Variants in CSMD1 observed in about 807,000 individuals in gnomAD.
The protein encoded by CSMD1 is CUB and sushi domain-containing protein 1.
In CSMD1, 213 loss-of-function variants were observed where a neutral mutation model predicts 417.5. The ratio of observed to expected loss-of-function variants is 0.51; its 90% CI spans 0.46 to 0.57. The LOEUF (loss-of-function observed/expected upper bound fraction) is 0.57, where lower values mean the gene tolerates loss of function less well. Among genes scored for constraint, CSMD1 ranks in the 20% least tolerant of loss-of-function variants. The probability of loss-of-function intolerance (pLI) is 0.00; values close to 1 mark genes in which losing one functional copy is unlikely to be tolerated. For synonymous variants in CSMD1, 2,862 were observed against 1,736.8 expected, an observed-to-expected ratio of 1.65 and a Z score of -16.11; for missense variants, 6,923 against 4,529.7, an observed-to-expected ratio of 1.53 and a Z score of -15.17.
intron 33 of CSMD1, among the ~76,000 whole-genome samples, chr8:3,198,638 T>A (rs1796830287): frequency 6.6e-6 from 1 of 152,238 alleles, no homozygotes; most frequent in African/African-American, 2.4e-5. Flanking sequence ...ACTCTTTAAA[T>A]GATCTAATTG....
In CSMD1 at chr8:3,997,979, G is replaced by C; in HGVS notation, c.742C>G (p.Leu248Val). 1 of 1,611,186 alleles carries C rather than the reference G, an allele frequency of 6.2e-7. No individual in the cohort carries two copies. The highest frequency in any genetic ancestry group is 8.5e-7 in the Non-Finnish European group (1 of 1,178,620). Residue 248 changes from leucine to valine, a missense_variant, in exon 5 of 70, where the codon CTG becomes GTG. Physicochemically the swap from Leu to Val is conservative, Grantham distance 32. Transcript: ENST00000635120. ...ILAEPGDTIA[L>V]VFTDFQLEEG... is the part of the protein sequence containing the mutation. Reference sequence around the variant, plus strand: ...TCTAGCTGAAAGTCAGTGAAGACCAGCGCAATGGTGTCCCCGGGCTCAGCC... The same window carrying C: ...TCTAGCTGAAAGTCAGTGAAGACCACCGCAATGGTGTCCCCGGGCTCAGCC...
chr8:4,092,933 C>T (rs1176091538), intron 3 of CSMD1, among the ~76,000 whole-genome samples: 2 of 151,902 alleles, frequency 1.3e-5, no homozygotes, highest in Admixed American at 6.6e-5. Flanking sequence ...TCTCTGAATC[C>T]TTTATTACTC....
At chr8:4,080,315 C>A (rs150741295) in intron 3 of CSMD1, among the ~76,000 whole-genome samples, 1 of 152,240 alleles carries the variant, frequency 6.6e-6, no homozygotes, top group African/African-American at 2.4e-5. Context: ...GAGTAAGGCA[C>A]GATCTTACCC....
intron 5 of CSMD1, among the ~76,000 whole-genome samples, chr8:3,840,637 T>C (rs184368330): frequency 9.3e-4 from 141 of 152,070 alleles, no homozygotes; most frequent in African/African-American, 3.3e-3. Flanking sequence ...GTGTGTGCAC[T>C]TGCTAGTGTA....
At chr8:3,727,284 T>A (rs1476021588) in intron 6 of CSMD1, among the ~76,000 whole-genome samples, 1 of 152,216 alleles carries the variant, frequency 6.6e-6, no homozygotes, top group African/African-American at 2.4e-5. Context: ...TACACATACC[T>A]TTGAGGCAGT....
chr8:3,701,617 G>A (rs572324457), intron 7 of CSMD1, among the ~76,000 whole-genome samples: 11 of 151,824 alleles, frequency 7.2e-5, no homozygotes, highest in East Asian at 1.9e-4. Context: ...CTAAAACTAC[G>A]AATATTATAA....
chr8:2,973,105 C>T lies in CSMD1; in HGVS notation c.8923+12G>A. ...ACTTTCAAGGTGGACCTTAAGGCTTCTGGCTACTCACCCTCACACACCGGC... is the reference window on the plus strand; with the variant it reads ...ACTTTCAAGGTGGACCTTAAGGCTTTTGGCTACTCACCCTCACACACCGGC... On this transcript the variant is annotated intron_variant, in intron 57 of 69. Transcript: ENST00000635120. The T allele has an allele frequency of 6.2e-7, 1 of 1,611,714 alleles. No homozygotes were observed. Among genetic ancestry groups the T allele is most frequent in the South Asian group, 1.1e-5 (1 of 90,694 alleles).
intron 3 of CSMD1, among the ~76,000 whole-genome samples, chr8:4,167,580 T>C (rs932299926): frequency 1.3e-5 from 2 of 152,150 alleles, no homozygotes; most frequent in African/African-American, 4.8e-5. Context: ...AATTCAACCA[T>C]TTAAGGATAT....
At chr8:3,133,179 G>A (rs546087285) in intron 41 of CSMD1, among the ~76,000 whole-genome samples, 1 of 152,194 alleles carries the variant, frequency 6.6e-6, no homozygotes, top group African/African-American at 2.4e-5. Flanking sequence ...CCGACCTGGG[G>A]CCCCTTCTTG....
chr8:3,741,001 G>A (rs976676839), intron 6 of CSMD1, among the ~76,000 whole-genome samples: 1 of 151,970 alleles, frequency 6.6e-6, no homozygotes, highest in Non-Finnish European at 1.5e-5. Flanking sequence ...GATCACCTCA[G>A]GTCAGGATTT....
At chr8:3,557,356 C>T (rs955037830) in intron 10 of CSMD1, among the ~76,000 whole-genome samples, 2 of 152,096 alleles carry the variant, frequency 1.3e-5, no homozygotes, top group African/African-American at 4.8e-5. Flanking sequence ...GTAAAACATT[C>T]CAAACTTGGC....
intron 17 of CSMD1, among the ~76,000 whole-genome samples, chr8:3,395,160 T>A (rs1294715589): frequency 1.3e-5 from 2 of 152,168 alleles, no homozygotes; most frequent in African/African-American, 4.8e-5. Flanking sequence ...ATTCTATGCA[T>A]GCATTTGTAA....
At chr8:3,762,167 C>T (rs1483734100) in intron 5 of CSMD1, among the ~76,000 whole-genome samples, 1 of 152,192 alleles carries the variant, frequency 6.6e-6, no homozygotes, top group African/African-American at 2.4e-5. Flanking sequence ...CTGCTTTCTA[C>T]ACCCAGAAAC....
chr8:4,361,737 C>A (rs112051207), intron 3 of CSMD1, among the ~76,000 whole-genome samples: 1 of 151,594 alleles, frequency 6.6e-6, no homozygotes, highest in Admixed American at 6.6e-5. Context: ...GGGCGGATCA[C>A]GAGGTCAGGA....
At chr8:4,035,982 T>C (rs1447336074) in intron 3 of CSMD1, among the ~76,000 whole-genome samples, 1 of 152,184 alleles carries the variant, frequency 6.6e-6, no homozygotes, top group African/African-American at 2.4e-5. Flanking sequence ...TAACACTTTT[T>C]TTTATTTTTA....
intron 5 of CSMD1, among the ~76,000 whole-genome samples, chr8:3,784,290 AAAT>A (rs1799330538): frequency 6.6e-6 from 1 of 152,202 alleles, no homozygotes; most frequent in African/African-American, 2.4e-5. Context: ...TTTCTCAGAT[AAAT>A]AATATTAAAT....
At chr8:4,265,200 C>G (rs1471005775) in intron 3 of CSMD1, among the ~76,000 whole-genome samples, 2 of 150,730 alleles carry the variant, frequency 1.3e-5, no homozygotes, top group African/African-American at 2.4e-5. Context: ...CAAAGTGTAA[C>G]AGTATTTAAA....
chr8:4,685,633 C>G (rs533242830), intron 1 of CSMD1, among the ~76,000 whole-genome samples: 2 of 152,136 alleles, frequency 1.3e-5, no homozygotes, highest in South Asian at 4.2e-4. Context: ...CACCATCACA[C>G]CATGTACTTC....
chr8:3,475,686 T>C (rs917187964), intron 11 of CSMD1, among the ~76,000 whole-genome samples: 1 of 152,240 alleles, frequency 6.6e-6, no homozygotes, highest in African/African-American at 2.4e-5. Flanking sequence ...CATTGATATG[T>C]CTGGTTGCAG....
Sources: allele counts gnomAD v4.1 joint callset (sites outside exome capture counted in the v4.1 genomes callset), GRCh38; gene constraint gnomAD v4.1.1; transcripts MANE v1.5; gene names NCBI Gene and HGNC (gene_info 2026-07-23, HGNC 2026-07-21).